PCDH15: variants seen among roughly 807,000 people sequenced by gnomAD.
PCDH15 encodes protocadherin related 15.
PCDH15 carries 129 observed loss-of-function variants against 178.5 expected under a neutral mutation model. The observed-to-expected ratio is 0.72, with a 90% CI of 0.63 to 0.84. The LOEUF is 0.84. PCDH15 is among the 40% of genes least tolerant of loss of function. The pLI, the probability that PCDH15 is intolerant of heterozygous loss-of-function variation, is 0.00. For missense variants in PCDH15, 2,230 were observed against 2,099.9 expected, an observed-to-expected ratio of 1.06 and a Z score of -1.21; for synonymous variants, 800 against 732.0, an observed-to-expected ratio of 1.09 and a Z score of -1.50.
Position 54,796,270 on chromosome 10 carries a change from C to CTATG in PCDH15, c.-29+4651_-29+4654dup, listed in dbSNP as rs1186318257. Among the ~76,000 whole-genome samples the CTATG allele has an allele frequency of 2.2e-4, 18 of 80,312 alleles. No individual in the cohort carries two copies. The East Asian group carries it at 6.0e-3, about 27-fold the overall frequency. The allele number at this position is 80,312 out of a possible 152,430, so 52.7% of individuals were successfully genotyped here. A position where few individuals can be genotyped will look rare whatever the true frequency, so the allele number is the denominator to read the frequency against. On this transcript the variant is annotated intron_variant, in intron 1 of 37. Transcript: ENST00000644397. ...TCTATCTATCTATCTATCTATCTAT[C>CTATG]TATGTATCTATGTATCTATCTATCT...
chr10:54,175,177 T>C (rs1427098558), intron 13 of PCDH15, among the ~76,000 whole-genome samples: 1 of 152,148 alleles, frequency 6.6e-6, no homozygotes, highest in Non-Finnish European at 1.5e-5. Context: ...ACTTTAATCA[T>C]GACATTATAC....
At chr10:54,600,220 A>G (rs2092459827) in intron 2 of PCDH15, 1 of 596,418 alleles carries the variant, frequency 1.7e-6, no homozygotes, top group South Asian at 1.7e-5. Context: ...GGAGAAAGAG[A>G]CCAAAGAAGA....
At chr10:54,415,114 T>C (rs1436920661) in intron 3 of PCDH15, among the ~76,000 whole-genome samples, 5 of 152,100 alleles carry the variant, frequency 3.3e-5, no homozygotes, top group Non-Finnish European at 5.9e-5. Flanking sequence ...AATCTATACC[T>C]CTAAAGTATT....
At chr10:53,828,199 G>A (rs372780423) in intron 31 of PCDH15, among the ~76,000 whole-genome samples, 4 of 38,764 alleles carry the variant, frequency 1.0e-4, no homozygotes, top group Admixed American at 8.1e-4. Flanking sequence ...AGAGCAAAAA[G>A]TCCGTCTCAA....
chr10:54,550,609 T>C (rs1286976809), intron 2 of PCDH15, among the ~76,000 whole-genome samples: 1 of 152,126 alleles, frequency 6.6e-6, no homozygotes, highest in East Asian at 1.9e-4. Flanking sequence ...TGAAAATTAT[T>C]TAATGATGCA....
intron 5 of PCDH15, among the ~76,000 whole-genome samples, chr10:54,366,048 T>C (rs1407980385): frequency 6.6e-6 from 1 of 152,130 alleles, no homozygotes; most frequent in Non-Finnish European, 1.5e-5. Flanking sequence ...AATACTAGAA[T>C]GTTTATTGAT....
chr10:55,283,890 G>A (rs1182222772), intron 1 of PCDH15, among the ~76,000 whole-genome samples: 1 of 151,850 alleles, frequency 6.6e-6, no homozygotes, highest in Non-Finnish European at 1.5e-5. Context: ...TTAAAAAGTT[G>A]TTATAGCTGT....
intron 3 of PCDH15, among the ~76,000 whole-genome samples, chr10:54,473,671 T>C (rs1191270497): frequency 6.6e-6 from 1 of 152,020 alleles, no homozygotes; most frequent in East Asian, 1.9e-4. Flanking sequence ...CAAGACACTA[T>C]AAAAATAATA....
intron 17 of PCDH15, among the ~76,000 whole-genome samples, 154 bp from the exon 18 acceptor site, chr10:54,067,039 A>T (rs145936940): frequency 1.3e-5 from 2 of 152,154 alleles, no homozygotes; most frequent in East Asian, 1.9e-4. Flanking sequence ...AAATAAAAAA[A>T]TTAAAAAAAA....
intron 2 of PCDH15, among the ~76,000 whole-genome samples, chr10:55,005,501 C>T (rs1354571758): frequency 5.9e-5 from 9 of 151,966 alleles, no homozygotes; most frequent in African/African-American, 1.2e-4. Flanking sequence ...TACGTGGATA[C>T]GCATCCCTCA....
intron 11 of PCDH15, among the ~76,000 whole-genome samples, chr10:54,191,500 G>A (rs559414619): frequency 6.6e-6 from 1 of 152,248 alleles, no homozygotes; most frequent in Non-Finnish European, 1.5e-5. Flanking sequence ...GTTGCCAAAT[G>A]TTATAGGTGA....
chr10:54,785,525 A>T (rs1169268997), intron 1 of PCDH15, among the ~76,000 whole-genome samples: 1 of 151,866 alleles, frequency 6.6e-6, no homozygotes, highest in East Asian at 1.9e-4. Context: ...TCCCCTTTTG[A>T]TCTGGATTAA....
chr10:55,054,911 T>C (rs1415857730), intron 2 of PCDH15, among the ~76,000 whole-genome samples: 4 of 152,380 alleles, frequency 2.6e-5, no homozygotes, highest in South Asian at 4.1e-4. Context: ...AGATGCTTGA[T>C]ATTACACCTT....
At chr10:54,097,425 T>C (rs1404548854) in intron 15 of PCDH15, among the ~76,000 whole-genome samples, 1 of 152,212 alleles carries the variant, frequency 6.6e-6, no homozygotes, top group Non-Finnish European at 1.5e-5. Context: ...TGGCTCATCC[T>C]CTCACCTTAT....
intron 2 of PCDH15, among the ~76,000 whole-genome samples, chr10:55,161,745 T>A (rs1466978542): frequency 6.6e-6 from 1 of 152,160 alleles, no homozygotes; most frequent in African/African-American, 2.4e-5. Flanking sequence ...AGAAAAATTT[T>A]TAACGGACCT....
chr10:54,638,779 T>G (rs187162158), intron 2 of PCDH15, among the ~76,000 whole-genome samples: 1 of 152,200 alleles, frequency 6.6e-6, no homozygotes, highest in African/African-American at 2.4e-5. Flanking sequence ...AGATATGGAA[T>G]CAATCTAAGT....
intron 25 of PCDH15, among the ~76,000 whole-genome samples, chr10:53,935,909 T>C (rs763421918): frequency 2.6e-5 from 4 of 152,110 alleles, no homozygotes; most frequent in Non-Finnish European, 5.9e-5. Flanking sequence ...CTATTGGTGG[T>C]TGCTACTATC....
chr10:53,922,005 C>A (rs1693072834), intron 25 of PCDH15, among the ~76,000 whole-genome samples: 2 of 152,000 alleles, frequency 1.3e-5, no homozygotes, highest in African/African-American at 4.8e-5. Flanking sequence ...AGTATATTTT[C>A]TTTTTTATAA....
rs541764890 is a variant in PCDH15 at position 54,756,249 on chromosome 10, C to CA, written c.-29+44675dup. ...TGGGTGACAGAGACAGACTCTGTCT[C>CA]AAAAAAATAAAAAAGTAAAAAATAA... is the stretch of plus-strand genomic sequence containing the variant. On this transcript the variant is annotated intron_variant, in intron 1 of 37. Transcript: ENST00000644397. Among the ~76,000 whole-genome samples, 1,302 of 150,776 alleles carry CA rather than the reference C, an allele frequency of 8.6e-3. 12 individuals carry two copies. Among genetic ancestry groups the CA allele is most frequent in the Non-Finnish European group, 0.013 (875 of 67,776 alleles).
Sources: allele counts gnomAD v4.1 joint callset (sites outside exome capture counted in the v4.1 genomes callset), GRCh38; gene constraint gnomAD v4.1.1; transcripts MANE v1.5; gene names NCBI Gene and HGNC (gene_info 2026-07-23, HGNC 2026-07-21).